IQSEC1: variants seen among roughly 807,000 people sequenced by gnomAD.
IQSEC1 encodes IQ motif and Sec7 domain ArfGEF 1.
Under a neutral mutation model 91.0 loss-of-function variants are expected in IQSEC1, and 31 were observed. That is an observed-to-expected ratio of 0.34 (90% CI 0.26 to 0.46). The LOEUF (loss-of-function observed/expected upper bound fraction) is 0.46. Ranked by LOEUF, IQSEC1 falls within the 20% of genes least tolerant of loss-of-function variation. The pLI, the probability that IQSEC1 is intolerant of heterozygous loss-of-function variation, is 1.00. For missense variants in IQSEC1, 1,388 were observed against 1,575.6 expected (o/e 0.88, Z 2.02); for synonymous variants, 699 against 662.6 (o/e 1.05, Z -0.84).
At position 13,037,451 on chromosome 3, in the gene IQSEC1, T is replaced by C. The variant is rs377453906; in HGVS notation, c.23+35541A>G. Reference sequence around the variant, plus strand: ...GGCATGGCTATACCATGAAATACTATACACCAGTGAAAATGAATCGATGAG... The same window carrying C: ...GGCATGGCTATACCATGAAATACTACACACCAGTGAAAATGAATCGATGAG... On this transcript the variant is annotated intron_variant, in intron 1 of 13. Transcript: ENST00000613206. Among the ~76,000 whole-genome samples, 53 of 152,304 alleles carry C rather than the reference T, an allele frequency of 3.5e-4. 2 individuals are homozygous for C. The South Asian group carries it at 8.1e-3, about 23-fold the overall frequency.
rs1694235973 is a variant in IQSEC1 at position 13,201,066 on chromosome 3, C to A, written c.273-36933G>T. On this transcript the variant is annotated intron_variant, in intron 1 of 15. Coordinates refer to the IQSEC1 transcript ENST00000648114. ...ATTCGACTCACTTTTGGGGGCACTG[C>A]CTGTGAGTTATGCCATTTACTCCGC... is the stretch of plus-strand genomic sequence containing the variant. Among the ~76,000 whole-genome samples, 4 of 152,210 alleles carry A rather than the reference C, an allele frequency of 2.6e-5. No homozygotes were observed. The South Asian group carries it at 8.3e-4, about 31-fold the overall frequency.
rs1160710415 is a variant in IQSEC1, at chr3:12,967,902, G to C, written c.24-26037C>G. Among the ~76,000 whole-genome samples the C allele has an allele frequency of 6.9e-6, 1 of 145,388 alleles. No individual in the cohort carries two copies. The highest frequency in any genetic ancestry group is 2.0e-4 in the East Asian group (1 of 5,040). On this transcript the variant is annotated intron_variant, in intron 1 of 13. Coordinates refer to ENST00000613206, the MANE Select transcript of IQSEC1 (RefSeq NM_001134382.3). This position sits in a 1 kb window ranked among gnomAD's most constrained non-coding sequence, Gnocchi z 5.9. ...AAGAAGCACAGGGGGCGGGGGGTCA[G>C]GGGCGGGGCGTCAGGGGCGGGGCTA...
chr3:12,988,520 C>A (rs550312901), intron 1 of IQSEC1, among the ~76,000 whole-genome samples: 1 of 152,268 alleles, frequency 6.6e-6, no homozygotes, highest in South Asian at 2.1e-4. Flanking sequence ...GCAAAAGGAG[C>A]CAGACCTGAA....
intron 2 of IQSEC1, among the ~76,000 whole-genome samples, chr3:13,099,530 G>A (rs895587852): frequency 1.1e-4 from 16 of 152,200 alleles, no homozygotes; most frequent in Middle Eastern, 6.8e-3. Context: ...CCTCAGAAGC[G>A]CCCACCTCAC....
intron 1 of IQSEC1, among the ~76,000 whole-genome samples, chr3:13,175,657 C>A (rs1255963077): frequency 6.6e-6 from 1 of 152,246 alleles, no homozygotes; most frequent in African/African-American, 2.4e-5. Context: ...CATACGCTGG[C>A]TGGCTTATAA....
chr3:13,018,355 G>C (rs1242885623), intron 1 of IQSEC1, among the ~76,000 whole-genome samples: 1 of 152,176 alleles, frequency 6.6e-6, no homozygotes, highest in Admixed American at 6.5e-5. Flanking sequence ...GCAGAGGGGG[G>C]CAGGGCCAGG....
chr3:13,086,083 C>A (rs1193570084), intron 2 of IQSEC1, among the ~76,000 whole-genome samples: 1 of 152,204 alleles, frequency 6.6e-6, no homozygotes, highest in Non-Finnish European at 1.5e-5. Flanking sequence ...TGTTTTGGGG[C>A]AGAGTGAGGT....
chr3:12,937,036 G>A (rs941992910), intron 2 of IQSEC1, among the ~76,000 whole-genome samples: 1 of 151,630 alleles, frequency 6.6e-6, no homozygotes, highest in South Asian at 2.1e-4. Context: ...GGGTTCAGAC[G>A]ATCCTCCTGC....
At chr3:12,975,592 T>C (rs1162757911) in intron 1 of IQSEC1, among the ~76,000 whole-genome samples, 1 of 152,220 alleles carries the variant, frequency 6.6e-6, no homozygotes, top group Non-Finnish European at 1.5e-5. Flanking sequence ...CCCCAAACCA[T>C]GAACTTAACC....
chr3:13,262,359 C>G (rs1021075860), intron 1 of IQSEC1, among the ~76,000 whole-genome samples: 2 of 152,236 alleles, frequency 1.3e-5, no homozygotes, highest in African/African-American at 2.4e-5. Context: ...CCCCGTCCCT[C>G]TTAGGGTAGG....
intron 2 of IQSEC1, among the ~76,000 whole-genome samples, chr3:13,159,606 T>C (rs1707135967): frequency 6.6e-6 from 1 of 150,540 alleles, no homozygotes; most frequent in South Asian, 2.1e-4. Context: ...CAAGCTGTTT[T>C]GTACTTCTCA....
intron 1 of IQSEC1, among the ~76,000 whole-genome samples, chr3:12,955,485 A>G (rs1276641504): frequency 1.3e-5 from 2 of 152,212 alleles, no homozygotes; most frequent in Admixed American, 1.3e-4. Flanking sequence ...ACACCCTGCA[A>G]TCAACCCCAG....
chr3:13,093,445 C>T (rs1407140750), intron 2 of IQSEC1, among the ~76,000 whole-genome samples: 1 of 152,124 alleles, frequency 6.6e-6, no homozygotes, highest in African/African-American at 2.4e-5. Flanking sequence ...AGGAAGCTTC[C>T]TCCACAGGAG....
At chr3:13,082,146 C>A (rs1576241522) in intron 2 of IQSEC1, among the ~76,000 whole-genome samples, 3 of 152,298 alleles carry the variant, frequency 2.0e-5, no homozygotes, top group African/African-American at 4.8e-5. Flanking sequence ...AGCTCTGTCA[C>A]CTACTAGCTG....
intron 2 of IQSEC1, among the ~76,000 whole-genome samples, chr3:13,105,747 T>C (rs1216147837): frequency 1.3e-5 from 2 of 151,934 alleles, no homozygotes; most frequent in African/African-American, 4.8e-5. Flanking sequence ...TCGTGAAGAG[T>C]AGCCATGAGA....
intron 2 of IQSEC1, among the ~76,000 whole-genome samples, chr3:13,154,840 AT>A: frequency 6.6e-6 from 1 of 152,142 alleles, no homozygotes; most frequent in Non-Finnish European, 1.5e-5. Flanking sequence ...ACAAAGTTAT[AT>A]AAGTTAAACA....
intron 1 of IQSEC1, among the ~76,000 whole-genome samples, chr3:13,176,968 T>A (rs1274931778): frequency 6.6e-6 from 1 of 152,202 alleles, no homozygotes. Flanking sequence ...CATACTGCAT[T>A]GATTCCATTG....
intron 1 of IQSEC1, among the ~76,000 whole-genome samples, chr3:13,184,847 A>C (rs1353908982): frequency 2.6e-5 from 4 of 152,140 alleles, no homozygotes; most frequent in Admixed American, 1.3e-4. Context: ...AGCGATAAAC[A>C]CAGACGCTAG....
At chr3:12,954,565 G>T (rs1174659536) in intron 1 of IQSEC1, among the ~76,000 whole-genome samples, 1 of 152,210 alleles carries the variant, frequency 6.6e-6, no homozygotes, top group African/African-American at 2.4e-5. Context: ...CCAGATCTCC[G>T]CTGTCTATCA....
Sources: allele counts gnomAD v4.1 joint callset (sites outside exome capture counted in the v4.1 genomes callset), GRCh38; gene constraint gnomAD v4.1.1; non-coding constraint Gnocchi (gnomAD v3.1); transcripts MANE v1.5; gene names NCBI Gene and HGNC (gene_info 2026-07-23, HGNC 2026-07-21).